Variants in ADGRL3 observed in about 807,000 individuals in gnomAD.
ADGRL3 encodes the protein adhesion G protein-coupled receptor L3.
ADGRL3 carries 62 observed loss-of-function variants against 153.5 expected under a neutral mutation model. The observed-to-expected ratio is 0.40, with a 90% CI of 0.33 to 0.50. The LOEUF (loss-of-function observed/expected upper bound fraction) is 0.50. Ranked by LOEUF, ADGRL3 falls within the 20% of genes least tolerant of loss-of-function variation. The pLI, the probability that ADGRL3 is intolerant of heterozygous loss-of-function variation, is 0.47. For synonymous variants in ADGRL3, 710 were observed against 672.5 expected, an observed-to-expected ratio of 1.06 and a Z score of -0.86; for missense variants, 1,641 against 1,859.4, an observed-to-expected ratio of 0.88 and a Z score of 2.16.
intron 1 of ADGRL3, among the ~76,000 whole-genome samples, chr4:61,320,120 A>G (rs981359260): frequency 6.6e-6 from 1 of 152,160 alleles, no homozygotes; most frequent in African/African-American, 2.4e-5. Context: ...AGCTGGAAAG[A>G]TACCCCTCTT....
At chr4:61,426,333 T>C (rs904549634) in intron 2 of ADGRL3, among the ~76,000 whole-genome samples, 2 of 152,166 alleles carry the variant, frequency 1.3e-5, no homozygotes, top group African/African-American at 4.8e-5. Flanking sequence ...GACTACTTTG[T>C]CCACACCTGA....
At chr4:61,806,523 A>G (rs2097554531) in intron 8 of ADGRL3, among the ~76,000 whole-genome samples, 1 of 152,052 alleles carries the variant, frequency 6.6e-6, no homozygotes, top group Non-Finnish European at 1.5e-5. Context: ...TCTATCTAAT[A>G]TACAATTCCT....
chr4:61,936,781 T>TACACACACACACACACACACACAC (rs71666904), intron 15 of ADGRL3, among the ~76,000 whole-genome samples: 70 of 138,818 alleles, frequency 5.0e-4, no homozygotes, highest in African/African-American at 1.3e-3. Context: ...TACATATGCA[T>TACACACACACACACACACACACAC]ACACACACAC....
At chr4:61,996,461 C>T in intron 20 of ADGRL3, 104 bp downstream of exon 20, 4 of 788,036 alleles carry the variant, frequency 5.1e-6, no homozygotes, top group Non-Finnish European at 8.6e-6. Context: ...TTGGGGAAAG[C>T]ATGTACTTAT....
At chr4:61,388,174 C>G (rs903907200) in intron 2 of ADGRL3, among the ~76,000 whole-genome samples, 1 of 152,132 alleles carries the variant, frequency 6.6e-6, no homozygotes, top group Non-Finnish European at 1.5e-5. Flanking sequence ...ATTTTGAAGA[C>G]AGAGTCAATA....
intron 1 of ADGRL3, among the ~76,000 whole-genome samples, chr4:61,310,160 A>G (rs535389309): frequency 6.6e-6 from 1 of 151,918 alleles, no homozygotes; most frequent in Admixed American, 6.6e-5. Context: ...TTCTGAGATC[A>G]TGTGCAGAAT....
At chr4:61,880,638 C>T (rs1460324692) in intron 9 of ADGRL3, among the ~76,000 whole-genome samples, 1 of 152,130 alleles carries the variant, frequency 6.6e-6, no homozygotes, top group East Asian at 1.9e-4. Flanking sequence ...TTTCCTTGCA[C>T]TTAAGAAGAA....
chr4:62,031,755 A>C, intron 23 of ADGRL3, 145 bp downstream of exon 23: 2 of 568,308 alleles, frequency 3.5e-6, no homozygotes, highest in Non-Finnish European at 5.9e-6. Flanking sequence ...AAAGCAAAAC[A>C]AACACAAAAT....
At chr4:61,750,950 G>A (rs2096750011) in intron 8 of ADGRL3, among the ~76,000 whole-genome samples, 1 of 152,148 alleles carries the variant, frequency 6.6e-6, no homozygotes, top group Non-Finnish European at 1.5e-5. Flanking sequence ...GGCCTGTTAG[G>A]AGCAGGGCCA....
chr4:61,867,779 G>T (rs2098411784), intron 9 of ADGRL3, among the ~76,000 whole-genome samples: 1 of 151,610 alleles, frequency 6.6e-6, no homozygotes, highest in African/African-American at 2.4e-5. Flanking sequence ...TAATCTAGAG[G>T]CCACTTAAGC....
intron 8 of ADGRL3, among the ~76,000 whole-genome samples, chr4:61,772,559 T>G (rs1285404966): frequency 6.6e-6 from 1 of 152,192 alleles, no homozygotes; most frequent in Non-Finnish European, 1.5e-5. Context: ...CTGAGTATTT[T>G]TATGTGAGAT....
chr4:62,028,948 T>C, intron 22 of ADGRL3, 67 bp downstream of exon 22: 1 of 1,387,852 alleles, frequency 7.2e-7, no homozygotes. Context: ...AGCTGTCAGA[T>C]CAGTACTGAA....
intron 2 of ADGRL3, among the ~76,000 whole-genome samples, chr4:61,414,285 T>G (rs1383365279): frequency 6.6e-6 from 1 of 152,184 alleles, no homozygotes; most frequent in Non-Finnish European, 1.5e-5. Flanking sequence ...TATGTAAAGT[T>G]TCATAAACTT....
At chr4:61,464,015 TACA>T (rs2152624639) in intron 2 of ADGRL3, among the ~76,000 whole-genome samples, 1 of 152,304 alleles carries the variant, frequency 6.6e-6, no homozygotes, top group South Asian at 2.1e-4. Flanking sequence ...ATATCTCTAT[TACA>T]ACTACGCACA....
intron 8 of ADGRL3, among the ~76,000 whole-genome samples, chr4:61,740,662 G>A (rs1217138715): frequency 6.6e-6 from 1 of 152,124 alleles, no homozygotes; most frequent in Non-Finnish European, 1.5e-5. Flanking sequence ...GGTAATAACA[G>A]GCATAGAAGC....
intron 1 of ADGRL3, among the ~76,000 whole-genome samples, chr4:61,327,005 CT>C (rs2095478975): frequency 6.6e-6 from 1 of 151,846 alleles, no homozygotes; most frequent in South Asian, 2.1e-4. Flanking sequence ...AACCTAGGTG[CT>C]TGTATAGTGT....
At chr4:61,496,865 C>T (rs1276468056) in intron 2 of ADGRL3, among the ~76,000 whole-genome samples, 1 of 151,434 alleles carries the variant, frequency 6.6e-6, no homozygotes, top group Non-Finnish European at 1.5e-5. Context: ...GGCGTGAACC[C>T]GGGAGGCGGA....
At chr4:62,041,720 T>C (rs986773977) in intron 24 of ADGRL3, among the ~76,000 whole-genome samples, 30 of 152,144 alleles carry the variant, frequency 2.0e-4, no homozygotes, top group Non-Finnish European at 8.8e-5. Context: ...ATTTTTTGTG[T>C]GTAGTCTTCT....
intron 8 of ADGRL3, chr4:61,775,903 AT>A: frequency 4.0e-6 from 1 of 247,110 alleles, no homozygotes; most frequent in Non-Finnish European, 7.5e-6. Flanking sequence ...TTATTTATTT[AT>A]TTATTTATTT....
Sources: allele counts gnomAD v4.1 joint callset (sites outside exome capture counted in the v4.1 genomes callset), GRCh38; gene constraint gnomAD v4.1.1; transcripts MANE v1.5; gene names NCBI Gene and HGNC (gene_info 2026-07-23, HGNC 2026-07-21).